MCPH1: variants seen among roughly 807,000 people sequenced by gnomAD.
MCPH1 encodes microcephalin 1.
Under a neutral mutation model 84.5 loss-of-function variants are expected in MCPH1, and 104 were observed. The observed-to-expected ratio is 1.23, with a 90% CI of 1.05 to 1.45. The LOEUF is 1.45. MCPH1 is among the 40% of genes most tolerant of loss of function. MCPH1 has a pLI of 0.00. For missense variants in MCPH1, 1,498 were observed against 1,005.7 expected (o/e 1.49, Z -6.62); for synonymous variants, 514 against 366.8 (o/e 1.40, Z -4.58).
At chr8:6,426,338 C>A (rs1414895019) in intron 3 of MCPH1, among the ~76,000 whole-genome samples, 2 of 152,184 alleles carry the variant, frequency 1.3e-5, no homozygotes, top group African/African-American at 4.8e-5. Flanking sequence ...CATTTGCTGT[C>A]GGCCTCCCTG....
chr8:6,493,300 A>G (rs1810858523), intron 11 of MCPH1, among the ~76,000 whole-genome samples: 1 of 152,190 alleles, frequency 6.6e-6, no homozygotes, highest in South Asian at 2.1e-4. Flanking sequence ...AAAACTGGAA[A>G]GGATTAGGTA....
chr8:6,445,091 G>A lies in MCPH1; in HGVS notation c.1369G>A (p.Glu457Lys), dbSNP rs201039834. Residue 457 changes from glutamate to lysine, a missense_variant, in exon 8 of 14, where the codon GAA (glutamate) becomes AAA (lysine). Glu to Lys is a moderately conservative substitution (Grantham distance 56). Transcript: ENST00000344683. ...TAAGAAGGAGAGAACAAGCATATTT[G>A]AAATGTCTGATTTTTCCTGCGTTGG... ...LSKKERTSIF[E>K]MSDFSCVGKK... is the part of the protein sequence containing the mutation. 1.3e-3 allele frequency: 2,103 copies of A among 1,614,126 alleles called. 4 individuals are homozygous for A. Among genetic ancestry groups the A allele is most frequent in the Non-Finnish European group, 1.7e-3 (1,995 of 1,180,056 alleles).
At chr8:6,582,374 C>G (rs1827627682) in intron 12 of MCPH1, among the ~76,000 whole-genome samples, 2 of 152,178 alleles carry the variant, frequency 1.3e-5, no homozygotes, top group South Asian at 4.1e-4. Flanking sequence ...GAAACTGGAG[C>G]TTAGCAAAGT....
In MCPH1 at chr8:6,444,822, C is replaced by T. The variant is rs190026099; in HGVS notation, c.1100C>T (p.Pro367Leu). ...GTATCACATGGCTCCCATTCACCTCCGAAGGAAAAATGCAAGAGAAAGAGG... is the reference window on the plus strand; with the variant it reads ...GTATCACATGGCTCCCATTCACCTCTGAAGGAAAAATGCAAGAGAAAGAGG... ...KRVSHGSHSP[P>L]KEKCKRKRST... is the part of the protein sequence containing the mutation. Residue 367 changes from proline to leucine, a missense_variant, in exon 8 of 14, where the codon CCG (proline) becomes CTG (leucine). By Grantham distance (98) the Pro-to-Leu change is moderately conservative. Transcript: ENST00000344683. The T allele has an allele frequency of 2.6e-5, 42 of 1,613,944 alleles. No homozygotes were observed. The highest frequency in any genetic ancestry group is 3.1e-5 in the Non-Finnish European group (37 of 1,180,020).
At chr8:6,618,554 T>C (rs1481674451) in intron 12 of MCPH1, 1 of 152,242 alleles carries the variant, frequency 6.6e-6, no homozygotes, top group Non-Finnish European at 1.5e-5. Context: ...GTGTGTGTTG[T>C]GTGTGCATTT....
chr8:6,477,211 C>T (rs1586003191), intron 9 of MCPH1: 1 of 219,588 alleles, frequency 4.6e-6, no homozygotes, highest in Non-Finnish European at 9.0e-6. Context: ...AATGAGGCTG[C>T]CTAGAAGTCT....
chr8:6,440,801 T>C (rs1803393745), intron 6 of MCPH1, among the ~76,000 whole-genome samples: 1 of 152,220 alleles, frequency 6.6e-6, no homozygotes, highest in African/African-American at 2.4e-5. Context: ...CCTTTGTCCA[T>C]ATGTATCAGT....
intron 12 of MCPH1, among the ~76,000 whole-genome samples, chr8:6,576,498 T>TTC (rs1554462020): frequency 7.2e-5 from 10 of 139,818 alleles, no homozygotes; most frequent in East Asian, 2.2e-4. Flanking sequence ...CTTTTCCCTT[T>TTC]CCCTTCCCCT....
At chr8:6,568,010 T>G (rs1189623664) in intron 12 of MCPH1, among the ~76,000 whole-genome samples, 2 of 152,224 alleles carry the variant, frequency 1.3e-5, no homozygotes, top group African/African-American at 4.8e-5. Context: ...TGTCGGCAAC[T>G]GACATTTCAG....
chr8:6,435,922 AAC>A (rs1802577357), intron 4 of MCPH1, 124 bp from the exon 5 acceptor site: 3 of 1,145,796 alleles, frequency 2.6e-6, no homozygotes, highest in Admixed American at 2.6e-5. Flanking sequence ...CAGTGCAAGA[AAC>A]ACCTCTTTTA....
At chr8:6,490,547 C>G (rs925723780) in intron 11 of MCPH1, among the ~76,000 whole-genome samples, 1 of 152,118 alleles carries the variant, frequency 6.6e-6, no homozygotes, top group African/African-American at 2.4e-5. Context: ...TTGAAGAGAG[C>G]TGATGTAAGA....
Position 6,439,088 on chromosome 8 carries a change from C to T in MCPH1, c.572C>T (p.Ser191Phe), listed in dbSNP as rs1274318455. The change falls in exon 6 of 14, where the codon TCC (serine) becomes TTC (phenylalanine). Residue 191 changes from serine (S) to phenylalanine (F), a missense_variant. Coordinates refer to ENST00000344683, the MANE Select transcript of MCPH1 (RefSeq NM_024596.5). ...ATGAAGGAGAAAAGGGAAAATCTTTCCCCCACCTGTAAGTAATTAGTTTGT... is the reference window on the plus strand; with the variant it reads ...ATGAAGGAGAAAAGGGAAAATCTTTTCCCCACCTGTAAGTAATTAGTTTGT... ...QEMKEKRENL[S>F]PTSSQMIQQS... 8 of 1,612,658 alleles carry T rather than the reference C, an allele frequency of 5.0e-6. No homozygotes were observed. The highest frequency in any genetic ancestry group is 2.2e-5 in the East Asian group (1 of 44,814).
chr8:6,627,285 C>G, intron 13 of MCPH1: 1 of 985,458 alleles, frequency 1.0e-6, no homozygotes, highest in Non-Finnish European at 1.2e-6. Flanking sequence ...GAACCAGTCG[C>G]AGAGAGGGGA....
intron 2 of MCPH1, among the ~76,000 whole-genome samples, chr8:6,413,319 T>G (rs1246131420): frequency 6.6e-6 from 1 of 151,966 alleles, no homozygotes; most frequent in Non-Finnish European, 1.5e-5. Context: ...GATTACCCAC[T>G]CTTTTAATAT....
At chr8:6,600,934 C>T (rs1043766806) in intron 12 of MCPH1, among the ~76,000 whole-genome samples, 4 of 152,284 alleles carry the variant, frequency 2.6e-5, no homozygotes, top group Non-Finnish European at 4.4e-5. Context: ...CTTCCATGCA[C>T]CGTTCAGAAT....
intron 12 of MCPH1, among the ~76,000 whole-genome samples, chr8:6,511,645 G>A (rs953841639): frequency 6.6e-6 from 1 of 152,072 alleles, no homozygotes; most frequent in South Asian, 2.1e-4. Context: ...CTCTTATCAT[G>A]CTAGCATCAT....
chr8:6,560,690 A>C (rs1157616931), intron 12 of MCPH1, among the ~76,000 whole-genome samples: 1 of 152,234 alleles, frequency 6.6e-6, no homozygotes, highest in African/African-American at 2.4e-5. Context: ...CTGTTCAAAT[A>C]TTGACTAAGT....
chr8:6,478,726 C>T (rs1041496316), intron 10 of MCPH1, among the ~76,000 whole-genome samples: 6 of 152,118 alleles, frequency 3.9e-5, no homozygotes, highest in Non-Finnish European at 7.3e-5. Context: ...GAGCTTTTTA[C>T]TTTTTGTTTT....
chr8:6,518,750 A>G (rs891359665), intron 12 of MCPH1, among the ~76,000 whole-genome samples: 3 of 152,168 alleles, frequency 2.0e-5, no homozygotes, highest in African/African-American at 7.2e-5. Context: ...TTGGTTCAAT[A>G]TGTAGCTGCT....
Sources: allele counts gnomAD v4.1 joint callset (sites outside exome capture counted in the v4.1 genomes callset), GRCh38; gene constraint gnomAD v4.1.1; transcripts MANE v1.5; gene names NCBI Gene and HGNC (gene_info 2026-07-23, HGNC 2026-07-21).